LIN28B: variants seen among roughly 807,000 people sequenced by gnomAD.
The protein encoded by LIN28B is lin-28 RNA binding posttranscriptional regulator B.
In LIN28B, 5 loss-of-function variants were observed where a neutral mutation model predicts 21.9. The observed-to-expected ratio is 0.23, with a 90% CI of 0.12 to 0.48. LIN28B has a LOEUF of 0.48. Among genes scored for constraint, LIN28B ranks in the 20% least tolerant of loss-of-function variants. The pLI is 0.98. For missense variants in LIN28B, 245 were observed against 310.5 expected, an observed-to-expected ratio of 0.79 and a Z score of 1.58; for synonymous variants, 109 against 111.3, an observed-to-expected ratio of 0.98 and a Z score of 0.13.
At chr6:105,004,862 G>C (rs1324165594) in intron 2 of LIN28B, among the ~76,000 whole-genome samples, 3 of 152,104 alleles carry the variant, frequency 2.0e-5, no homozygotes, top group African/African-American at 2.4e-5. Context: ...CCATACTCCT[G>C]CTCCAGTCCA....
At chr6:105,071,610 A>G (rs1012127891) in intron 3 of LIN28B, among the ~76,000 whole-genome samples, 1 of 152,146 alleles carries the variant, frequency 6.6e-6, no homozygotes, top group Non-Finnish European at 1.5e-5. Flanking sequence ...TAGGTCAGAG[A>G]GTATGTGTAT....
At chr6:105,024,052 G>A (rs575927158) in intron 2 of LIN28B, among the ~76,000 whole-genome samples, 2 of 151,812 alleles carry the variant, frequency 1.3e-5, no homozygotes, top group African/African-American at 4.8e-5. Flanking sequence ...ACACGATCTC[G>A]ATCTCCGCTC....
Position 105,078,837 on chromosome 6 carries a change from C to A in LIN28B, c.*54C>A. 1 of 1,557,544 alleles carries A rather than the reference C, an allele frequency of 6.4e-7. No homozygotes were observed. Reference sequence around the variant, plus strand: ...ACCCGGTTGCAAAGTCTACCTCATGCAAGTATAGGGGAACAGTATTTCACA... The same window carrying A: ...ACCCGGTTGCAAAGTCTACCTCATGAAAGTATAGGGGAACAGTATTTCACA... On this transcript the variant is annotated 3_prime_UTR_variant, in exon 4 of 4. Transcript: ENST00000345080.
chr6:105,013,588 G>A (rs1265769859), intron 2 of LIN28B, among the ~76,000 whole-genome samples: 5 of 151,676 alleles, frequency 3.3e-5, no homozygotes, highest in Admixed American at 6.6e-5. Context: ...AAATAAGCCC[G>A]GTGTGGTGGC....
intron 2 of LIN28B, among the ~76,000 whole-genome samples, chr6:104,981,244 C>G (rs975998133): frequency 2.6e-5 from 4 of 152,142 alleles, no homozygotes; most frequent in Non-Finnish European, 5.9e-5. Flanking sequence ...ACTTCTACCC[C>G]CACTCACTCT....
Position 105,081,336 on chromosome 6 carries a change from T to G in LIN28B, c.*2553T>G, listed in dbSNP as rs1479455861. On this transcript the variant is annotated 3_prime_UTR_variant, in exon 4 of 4. Coordinates refer to ENST00000345080, the MANE Select transcript of LIN28B (RefSeq NM_001004317.4). ...TTTTTATTTCATGTGAAAACTCCTC[T>G]AAAGCAGATTCCCTCAACTCTGTGC... 6.6e-6 allele frequency: 1 copy of G among 152,656 alleles called. No homozygotes were observed. The highest frequency in any genetic ancestry group is 1.5e-5 in the Non-Finnish European group (1 of 68,030). 9.5% of individuals were successfully genotyped at this position (152,656 alleles called of 1,614,324 possible). A position where few individuals can be genotyped will look rare whatever the true frequency, so the allele number is the denominator to read the frequency against.
intron 2 of LIN28B, among the ~76,000 whole-genome samples, chr6:104,962,655 TATTTA>T (rs1327565509): frequency 1.3e-5 from 2 of 152,210 alleles, no homozygotes; most frequent in African/African-American, 2.4e-5. Context: ...AGTTCTTATG[TATTTA>T]ATTAATTATA....
At chr6:105,065,859 C>G (rs911564822) in intron 3 of LIN28B, among the ~76,000 whole-genome samples, 2 of 152,092 alleles carry the variant, frequency 1.3e-5, no homozygotes, top group Non-Finnish European at 2.9e-5. Flanking sequence ...CTTACTAATT[C>G]AATAATGTAA....
chr6:105,006,499 A>T (rs1189876081), intron 2 of LIN28B, among the ~76,000 whole-genome samples: 1 of 152,054 alleles, frequency 6.6e-6, no homozygotes, highest in African/African-American at 2.4e-5. Context: ...TTTAGTAGAG[A>T]TGGGATTTCA....
intron 3 of LIN28B, among the ~76,000 whole-genome samples, chr6:105,031,271 G>A (rs1398547992): frequency 2.6e-5 from 4 of 151,996 alleles, no homozygotes; most frequent in Non-Finnish European, 5.9e-5. Flanking sequence ...AGCCCCTTCA[G>A]GCTGGTTTCT....
chr6:105,057,461 T>C (rs1267069424), intron 3 of LIN28B, among the ~76,000 whole-genome samples: 1 of 152,242 alleles, frequency 6.6e-6, no homozygotes, highest in Non-Finnish European at 1.5e-5. Flanking sequence ...TTCTCATTTT[T>C]GCAGTGTTGA....
At chr6:105,058,202 C>G (rs1772057795) in intron 3 of LIN28B, 1 of 260,096 alleles carries the variant, frequency 3.8e-6, no homozygotes, top group Admixed American at 5.5e-5. Flanking sequence ...AGTTGTAGCC[C>G]CACATGAGCT....
intron 2 of LIN28B, among the ~76,000 whole-genome samples, chr6:104,986,560 G>T (rs1770350296): frequency 6.6e-6 from 1 of 151,576 alleles, no homozygotes; most frequent in South Asian, 2.1e-4. Context: ...GTCTCTGTGG[G>T]GGTTTTGATT....
At chr6:105,055,452 G>A (rs1364390111) in intron 3 of LIN28B, among the ~76,000 whole-genome samples, 2 of 152,294 alleles carry the variant, frequency 1.3e-5, no homozygotes, top group African/African-American at 4.8e-5. Context: ...GAGAACTCCT[G>A]TACCTCTCCC....
intron 3 of LIN28B, among the ~76,000 whole-genome samples, chr6:105,073,188 TAAC>T (rs1277585248): frequency 3.3e-5 from 5 of 152,160 alleles, no homozygotes; most frequent in African/African-American, 4.8e-5. Flanking sequence ...TTTAATTAAA[TAAC>T]AAGTATTAAA....
chr6:105,038,820 T>G (rs1771576069), intron 3 of LIN28B, among the ~76,000 whole-genome samples: 1 of 152,152 alleles, frequency 6.6e-6, no homozygotes. Context: ...AAGAAAAATA[T>G]TCACTGAAAA....
intron 2 of LIN28B, among the ~76,000 whole-genome samples, chr6:104,959,298 A>C (rs1769670853): frequency 1.3e-5 from 2 of 152,198 alleles, no homozygotes; most frequent in African/African-American, 4.8e-5. Context: ...CTAAGTTAAA[A>C]AGAATTGAAT....
At chr6:105,022,565 T>C (rs1023457844) in intron 2 of LIN28B, among the ~76,000 whole-genome samples, 4 of 152,138 alleles carry the variant, frequency 2.6e-5, no homozygotes, top group Non-Finnish European at 5.9e-5. Context: ...CATTCCTGCC[T>C]TTTGGGTATG....
chr6:105,081,429 C>G lies in LIN28B; in HGVS notation c.*2646C>G, dbSNP rs978853817. The G allele has an allele frequency of 4.6e-5, 7 of 152,716 alleles. No homozygotes were observed. The highest frequency in any genetic ancestry group is 4.6e-4 in the Admixed American group (7 of 15,288). 9.5% of individuals were successfully genotyped at this position (152,716 alleles called of 1,614,324 possible). On this transcript the variant is annotated 3_prime_UTR_variant, in exon 4 of 4. Coordinates refer to ENST00000345080, the MANE Select transcript of LIN28B (RefSeq NM_001004317.4). The stretch of plus-strand genomic sequence containing the variant: ...AGGTAAAATATTACTCTGTTTACAG[C>G]AAAAGGCTACCTCATAGTTGATACA...
Sources: gnomAD v4.1 joint callset for allele counts (sites outside exome capture counted in the v4.1 genomes callset) on GRCh38, gnomAD v4.1.1 for gene constraint, MANE v1.5 for transcripts, NCBI Gene and HGNC (gene_info 2026-07-23, HGNC 2026-07-21) for gene names.